EXOC6B: variants seen among roughly 807,000 people sequenced by gnomAD.
The protein encoded by EXOC6B is SEC15 homolog B.
In EXOC6B, 54 loss-of-function variants were observed where a neutral mutation model predicts 113.5. That is an observed-to-expected ratio of 0.48 (90% CI 0.38 to 0.60). The LOEUF (loss-of-function observed/expected upper bound fraction) is 0.60. EXOC6B is among the 20% of genes least tolerant of loss of function. The pLI is 0.00. For missense variants in EXOC6B, 797 were observed against 977.5 expected (o/e 0.82, Z 2.46); for synonymous variants, 357 against 339.0 (o/e 1.05, Z -0.58).
chr2:72,215,394 CA>C (rs1247374369), intron 20 of EXOC6B, among the ~76,000 whole-genome samples: 1 of 152,184 alleles, frequency 6.6e-6, no homozygotes, highest in Non-Finnish European at 1.5e-5. Flanking sequence ...CACATTATCT[CA>C]CCAAACTGTC....
chr2:72,682,463 C>CT (rs1255814283), intron 6 of EXOC6B, among the ~76,000 whole-genome samples: 1 of 151,872 alleles, frequency 6.6e-6, no homozygotes, highest in Non-Finnish European at 1.5e-5. Flanking sequence ...TTCTTTTTAC[C>CT]TTTTTTTAAA....
At chr2:72,224,403 G>C (rs989804371) in intron 20 of EXOC6B, among the ~76,000 whole-genome samples, 6 of 151,900 alleles carry the variant, frequency 3.9e-5, no homozygotes, top group Admixed American at 3.3e-4. Context: ...TCATCTACTA[G>C]ACTAAAAATG....
At chr2:72,519,606 C>A (rs185793825) in intron 8 of EXOC6B, among the ~76,000 whole-genome samples, 8 of 152,204 alleles carry the variant, frequency 5.3e-5, no homozygotes, top group Non-Finnish European at 1.0e-4. Flanking sequence ...CAGAAGCTCA[C>A]AGGAAACTAA....
rs1700157179 is a variant in EXOC6B, at chr2:72,498,541, A to G, written c.1250T>C (p.Phe417Ser). Reference protein sequence around the residue: ...LFADTLQVYGFPVNQLFDMLL... With the variant: ...LFADTLQVYGSPVNQLFDMLL... ...CATGTCAAAAAGCTGATTTACAGGG[A>G]AACCATACACCTGAAACAAAATAAG... Residue 417 changes from phenylalanine (F) to serine (S), a missense_variant, in exon 13 of 22, where the codon TTC (phenylalanine) becomes TCC (serine). Phe to Ser is a radical substitution (Grantham distance 155). Transcript: ENST00000272427. 6 of 1,609,690 alleles carry G rather than the reference A, an allele frequency of 3.7e-6. No individual in the cohort carries two copies. Among genetic ancestry groups the G allele is most frequent in the Non-Finnish European group, 5.1e-6 (6 of 1,177,938 alleles).
At chr2:72,273,308 GTTCA>G (rs530454105) in intron 20 of EXOC6B, among the ~76,000 whole-genome samples, 2 of 152,036 alleles carry the variant, frequency 1.3e-5, no homozygotes, top group East Asian at 1.9e-4. Context: ...TTATTTGTTT[GTTCA>G]TTCATTCATT....
At chr2:72,609,344 T>C (rs1472164668) in intron 6 of EXOC6B, among the ~76,000 whole-genome samples, 3 of 151,656 alleles carry the variant, frequency 2.0e-5, no homozygotes, top group Admixed American at 2.0e-4. Context: ...AAAGACTGGA[T>C]CAAACAAGAG....
intron 1 of EXOC6B, among the ~76,000 whole-genome samples, chr2:72,796,646 C>A (rs1277089541): frequency 6.6e-6 from 1 of 152,032 alleles, no homozygotes; most frequent in Non-Finnish European, 1.5e-5. Flanking sequence ...ATGTCTCTAT[C>A]TTCCCCTTCC....
chr2:72,491,530 A>G (rs1699745596), intron 16 of EXOC6B, among the ~76,000 whole-genome samples: 2 of 152,164 alleles, frequency 1.3e-5, no homozygotes, highest in Admixed American at 1.3e-4. Flanking sequence ...TCCTTGTGAA[A>G]AAAAATTCTT....
At chr2:72,224,067 G>A (rs1422123229) in intron 20 of EXOC6B, among the ~76,000 whole-genome samples, 1 of 151,946 alleles carries the variant, frequency 6.6e-6, no homozygotes, top group Admixed American at 6.6e-5. Flanking sequence ...GAGGATTTTT[G>A]AGATTTATGC....
intron 20 of EXOC6B, among the ~76,000 whole-genome samples, chr2:72,305,070 T>C (rs2104768171): frequency 6.6e-6 from 1 of 152,316 alleles, no homozygotes; most frequent in South Asian, 2.1e-4. Context: ...ATATTCACCA[T>C]ATGACAGGTA....
intron 16 of EXOC6B, 75 bp from the exon 17 acceptor site, chr2:72,480,825 G>A (rs577330057): frequency 4.3e-5 from 61 of 1,409,226 alleles, no homozygotes; most frequent in South Asian, 2.5e-4. Context: ...TGAATCTGCC[G>A]GTACAAAACA....
chr2:72,268,707 A>G (rs759547263), intron 20 of EXOC6B, among the ~76,000 whole-genome samples: 4 of 152,066 alleles, frequency 2.6e-5, no homozygotes, highest in Non-Finnish European at 4.4e-5. Context: ...CCTTGAGGAT[A>G]ATGAGTGAGT....
chr2:72,788,412 GTTCT>G (rs1226817392), intron 1 of EXOC6B, among the ~76,000 whole-genome samples: 2 of 152,146 alleles, frequency 1.3e-5, no homozygotes, highest in Non-Finnish European at 2.9e-5. Flanking sequence ...GGAAAGTGGG[GTTCT>G]TTTTTTGCTG....
At chr2:72,639,634 G>C (rs1673090423) in intron 6 of EXOC6B, among the ~76,000 whole-genome samples, 1 of 152,156 alleles carries the variant, frequency 6.6e-6, no homozygotes, top group Non-Finnish European at 1.5e-5. Context: ...AGCAGTCTGG[G>C]AGCACATAAG....
At chr2:72,261,353 C>A (rs1229847956) in intron 20 of EXOC6B, among the ~76,000 whole-genome samples, 1 of 152,166 alleles carries the variant, frequency 6.6e-6, no homozygotes, top group African/African-American at 2.4e-5. Context: ...CTTATCTATT[C>A]TCATACTTAT....
At chr2:72,419,690 TTGTA>T (rs1424160287) in intron 18 of EXOC6B, among the ~76,000 whole-genome samples, 2 of 152,240 alleles carry the variant, frequency 1.3e-5, no homozygotes, top group Non-Finnish European at 2.9e-5. Flanking sequence ...CAAGGATTCC[TTGTA>T]TGTGACAAGT....
chr2:72,456,205 T>C (rs1697223317), intron 18 of EXOC6B, among the ~76,000 whole-genome samples: 1 of 152,180 alleles, frequency 6.6e-6, no homozygotes, highest in East Asian at 1.9e-4. Context: ...AAAACAATAC[T>C]CTTTCTTATT....
intron 18 of EXOC6B, among the ~76,000 whole-genome samples, chr2:72,382,234 T>C (rs546824539): frequency 6.6e-6 from 1 of 152,334 alleles, no homozygotes; most frequent in African/African-American, 2.4e-5. Context: ...GGTCTGGCTA[T>C]GCCAACTGTG....
At chr2:72,779,733 G>T (rs1235047876) in intron 1 of EXOC6B, among the ~76,000 whole-genome samples, 2 of 152,162 alleles carry the variant, frequency 1.3e-5, no homozygotes, top group African/African-American at 4.8e-5. Context: ...TATTGTCTAA[G>T]GGGTGGGGAA....
Sources: allele counts gnomAD v4.1 joint callset (sites outside exome capture counted in the v4.1 genomes callset), GRCh38; gene constraint gnomAD v4.1.1; transcripts MANE v1.5; gene names NCBI Gene and HGNC (gene_info 2026-07-23, HGNC 2026-07-21).